The following RFC3 variants were observed in gnomAD, a reference collection of about 807,000 sequenced individuals.
RFC3 encodes the protein replication factor C subunit 3.
Under a neutral mutation model 45.1 loss-of-function variants are expected in RFC3, and 41 were observed. The ratio of observed to expected loss-of-function variants is 0.91; its 90% CI spans 0.71 to 1.18. RFC3 has a LOEUF of 1.18. Among genes scored for constraint, RFC3 ranks in the 50% most tolerant of loss-of-function variants. The pLI, the probability that RFC3 is intolerant of heterozygous loss-of-function variation, is 0.00. For synonymous variants in RFC3, 149 were observed against 144.0 expected (o/e 1.03, Z -0.25); for missense variants, 423 against 428.1 (o/e 0.99, Z 0.10).
chr13:33,948,967 A>G (rs547813676), intron 8 of RFC3, among the ~76,000 whole-genome samples: 47 of 152,232 alleles, frequency 3.1e-4, no homozygotes, highest in African/African-American at 1.1e-3. Context: ...CTTTTGGGTT[A>G]ATGCTGGAGT....
At chr13:33,968,018 A>G (rs565387169), downstream of RFC3, among the ~76,000 whole-genome samples, 67 of 152,368 alleles carry the variant, frequency 4.4e-4, 1 homozygote, top group South Asian at 0.013. Context: ...AGACAAAGGT[A>G]TAATGATTTT....
intron 8 of RFC3, among the ~76,000 whole-genome samples, chr13:33,953,629 T>G (rs1330693306): frequency 6.6e-6 from 1 of 152,178 alleles, no homozygotes; most frequent in Non-Finnish European, 1.5e-5. Flanking sequence ...GCCTTCATGA[T>G]GACATAATTC....
intron 8 of RFC3, among the ~76,000 whole-genome samples, chr13:33,842,664 T>C (rs1226129543): frequency 6.6e-6 from 1 of 152,192 alleles, no homozygotes; most frequent in Non-Finnish European, 1.5e-5. Flanking sequence ...GGAAGGTTTT[T>C]CTTTCCCACC....
At chr13:33,825,101 C>T (rs891525946) in intron 3 of RFC3, among the ~76,000 whole-genome samples, 10 of 152,168 alleles carry the variant, frequency 6.6e-5, no homozygotes, top group East Asian at 1.9e-4. Context: ...GAGAATAAGC[C>T]GATTGCTTTT....
At chr13:33,942,828 A>G (rs551806601) in intron 8 of RFC3, among the ~76,000 whole-genome samples, 10 of 152,296 alleles carry the variant, frequency 6.6e-5, no homozygotes, top group Admixed American at 4.6e-4. Flanking sequence ...TGGAATGCCA[A>G]TGGTTCTAAA....
intron 8 of RFC3, among the ~76,000 whole-genome samples, chr13:33,943,459 C>T (rs2082936650): frequency 6.6e-6 from 1 of 152,096 alleles, no homozygotes; most frequent in Non-Finnish European, 1.5e-5. Flanking sequence ...TGCAAGGTTT[C>T]ACAAAGCTGT....
At chr13:33,849,164 CTG>C (rs2082260206) in intron 8 of RFC3, 1 of 152,190 alleles carries the variant, frequency 6.6e-6, no homozygotes, top group African/African-American at 2.4e-5. Flanking sequence ...TTTAGGTAGA[CTG>C]TGTTACACAG....
chr13:33,970,457 G>GGA (rs1329058316), downstream of RFC3, among the ~76,000 whole-genome samples: 1 of 152,174 alleles, frequency 6.6e-6, no homozygotes, highest in Non-Finnish European at 1.5e-5. Flanking sequence ...CCCAGTAATG[G>GGA]GATTGTTGGA....
intron 8 of RFC3, among the ~76,000 whole-genome samples, chr13:33,888,387 C>T (rs2082540616): frequency 2.6e-5 from 4 of 152,068 alleles, no homozygotes; most frequent in Admixed American, 2.6e-4. Flanking sequence ...AGAGTAGTCA[C>T]TCCTAGTTAA....
At chr13:33,915,557 G>T (rs2082727850) in intron 8 of RFC3, among the ~76,000 whole-genome samples, 1 of 152,082 alleles carries the variant, frequency 6.6e-6, no homozygotes, top group Non-Finnish European at 1.5e-5. Context: ...TTTCTGTAAT[G>T]TTCCTCATGC....
downstream of RFC3, among the ~76,000 whole-genome samples, chr13:33,840,843 AC>A (rs758417900): frequency 4.6e-5 from 7 of 152,230 alleles, no homozygotes; most frequent in Non-Finnish European, 1.0e-4. Flanking sequence ...TTCATCATTT[AC>A]TGTGATAAAA....
chr13:33,949,121 G>A (rs2082972956), intron 8 of RFC3, among the ~76,000 whole-genome samples: 1 of 152,128 alleles, frequency 6.6e-6, no homozygotes, highest in African/African-American at 2.4e-5. Flanking sequence ...CGTGTCAAGT[G>A]TGGGAACAGG....
rs960177397 is a variant in RFC3 at position 33,831,255 on chromosome 13, G to A, written c.711-1G>A. 2.4e-5 allele frequency: 37 copies of A among 1,563,184 alleles called. No individual in the cohort carries two copies. The highest frequency in any genetic ancestry group is 3.0e-5 in the Non-Finnish European group (34 of 1,133,826). ...TCTTGTGTTCTCTTTTTGTCATGTA[G>A]ATATCCTTTTACTGCAGATCAAGAA... is the stretch of plus-strand genomic sequence containing the variant. On this transcript the variant is annotated splice_acceptor_variant, in intron 6 of 8. Coordinates refer to ENST00000380071, the MANE Select transcript of RFC3 (RefSeq NM_002915.4). LOFTEE classifies it high-confidence loss of function.
intron 8 of RFC3, among the ~76,000 whole-genome samples, chr13:33,885,440 A>T (rs542244199): frequency 2.6e-5 from 4 of 152,284 alleles, no homozygotes; most frequent in Non-Finnish European, 5.9e-5. Context: ...CATCACCTGG[A>T]TAATGTACAT....
chr13:33,933,409 A>C (rs2082864967), intron 8 of RFC3, among the ~76,000 whole-genome samples: 1 of 152,096 alleles, frequency 6.6e-6, no homozygotes, highest in Admixed American at 6.6e-5. Context: ...TTATTGGCTT[A>C]GTGATTGTTT....
chr13:33,963,991 G>A lies in RFC3; in HGVS notation c.880-2096G>A, dbSNP rs188953237. 2.7e-4 allele frequency among the ~76,000 whole-genome samples: 41 copies of A among 152,304 alleles called. No homozygotes were observed. The East Asian group carries it at 7.5e-3, about 28-fold the overall frequency. Reference sequence around the variant, plus strand: ...GTCCTCTGCCCTCCGCCTTCAAGCTGGTCTTGACCATCATTGTCGTCCTTC... The same window carrying A: ...GTCCTCTGCCCTCCGCCTTCAAGCTAGTCTTGACCATCATTGTCGTCCTTC... On this transcript the variant is annotated intron_variant, in intron 8 of 8. Coordinates refer to the RFC3 transcript ENST00000434425.
At chr13:33,912,486 G>T (rs921609092) in intron 8 of RFC3, among the ~76,000 whole-genome samples, 1 of 152,098 alleles carries the variant, frequency 6.6e-6, no homozygotes, top group African/African-American at 2.4e-5. Context: ...AAGTTACTGA[G>T]CTGGAAAGAA....
intron 7 of RFC3, among the ~76,000 whole-genome samples, chr13:33,834,298 G>GTATATATATA (rs58858615): frequency 2.1e-4 from 23 of 109,200 alleles, no homozygotes; most frequent in African/African-American, 8.7e-4. Context: ...TGTACTGTGT[G>GTATATATATA]TATATATATA....
chr13:33,836,014 T>C, intron 8 of RFC3, 90 bp from the exon 9 acceptor site: 1 of 1,290,526 alleles, frequency 7.7e-7, no homozygotes, highest in Admixed American at 2.4e-5. Flanking sequence ...GAGAGTATGT[T>C]TAACTTTAGT....
Sources: gnomAD v4.1 joint callset for allele counts (sites outside exome capture counted in the v4.1 genomes callset) on GRCh38, gnomAD v4.1.1 for gene constraint, MANE v1.5 for transcripts, NCBI Gene and HGNC (gene_info 2026-07-23, HGNC 2026-07-21) for gene names.